The following RALGAPA2 variants were observed in gnomAD, a reference collection of about 807,000 sequenced individuals.
RALGAPA2 encodes the protein ral GTPase-activating protein subunit alpha-2.
A neutral mutation model predicts 230.4 loss-of-function variants in RALGAPA2; 139 were observed. The observed-to-expected ratio is 0.60, with a 90% CI of 0.53 to 0.69. The LOEUF (loss-of-function observed/expected upper bound fraction) is 0.69, where lower values mean the gene tolerates loss of function less well. RALGAPA2 is among the 30% of genes least tolerant of loss of function. The probability of loss-of-function intolerance (pLI) is 0.00; values close to 1 mark genes in which losing one functional copy is unlikely to be tolerated. For missense variants in RALGAPA2, 2,163 were observed against 2,276.0 expected (o/e 0.95, Z 1.01); for synonymous variants, 847 against 837.8 (o/e 1.01, Z -0.19).
At chr20:20,537,759 T>C (rs1403911506) in intron 24 of RALGAPA2, among the ~76,000 whole-genome samples, 2 of 152,212 alleles carry the variant, frequency 1.3e-5, no homozygotes, top group Non-Finnish European at 2.9e-5. Context: ...TGTCTACTAT[T>C]ATGTAATAAA....
At chr20:20,514,234 T>C (rs1449282607) in intron 31 of RALGAPA2, among the ~76,000 whole-genome samples, 3 of 151,888 alleles carry the variant, frequency 2.0e-5, no homozygotes, top group East Asian at 1.9e-4. Flanking sequence ...TGGACATAGA[T>C]TGTGGTGCAA....
In RALGAPA2 at chr20:20,611,308, G is replaced by C. The variant is rs749071389; in HGVS notation, c.1800+7C>G. On this transcript the variant is annotated splice_region_variant and intron_variant, in intron 14 of 39. Transcript: ENST00000202677. The stretch of plus-strand genomic sequence containing the variant: ...GCATTTGCAGTGCTTTCATAAAAAA[G>C]ACTTACCCTAAATAGTAACCCTGCC... The C allele has an allele frequency of 6.3e-7, 1 of 1,598,876 alleles. No homozygotes were observed. The highest frequency in any genetic ancestry group is 1.7e-5 in the Admixed American group (1 of 59,194).
rs1385291069 is a variant in RALGAPA2 at position 20,571,934 on chromosome 20, G to A, written c.2914C>T (p.Leu972=). The A allele has an allele frequency of 6.2e-7, 1 of 1,605,406 alleles. No homozygotes were observed. Among genetic ancestry groups the A allele is most frequent in the Non-Finnish European group, 8.5e-7 (1 of 1,174,478 alleles). Residue 972 remains leucine, a synonymous_variant, in exon 22 of 40, where the codon CTA becomes TTA. Coordinates refer to ENST00000202677, the MANE Select transcript of RALGAPA2 (RefSeq NM_020343.4). ...GACTGGTTATCCAGGCTTATTGCTA[G>A]ATTATCCCGTATCTAATTCACAAAG... ...WYKLAKIRDN[L]AISLDNQSSP...
At chr20:20,585,026 C>T (rs1043643638) in intron 18 of RALGAPA2, 71 bp from the exon 19 acceptor site, 8 of 906,338 alleles carry the variant, frequency 8.8e-6, no homozygotes, top group African/African-American at 1.7e-5. Flanking sequence ...AGTTTCTAGC[C>T]CAAATTTCTA....
chr20:20,481,882 TA>T (rs1365182551), intron 36 of RALGAPA2, among the ~76,000 whole-genome samples: 1 of 152,132 alleles, frequency 6.6e-6, no homozygotes, highest in Non-Finnish European at 1.5e-5. Context: ...ACAGAGTGAC[TA>T]AAAGGTTCAA....
intron 16 of RALGAPA2, chr20:20,598,641 AG>A (rs759957159): frequency 2.7e-4 from 116 of 433,114 alleles, no homozygotes; most frequent in African/African-American, 2.3e-3. Flanking sequence ...GGAGAAGCCC[AG>A]GAACAGTGAT....
chr20:20,508,449 G>C (rs1180612233), intron 33 of RALGAPA2, among the ~76,000 whole-genome samples: 1 of 152,156 alleles, frequency 6.6e-6, no homozygotes. Context: ...ACATGAAAAA[G>C]CCAAAGAAAA....
intron 4 of RALGAPA2, among the ~76,000 whole-genome samples, chr20:20,643,812 G>A (rs1285555936): frequency 1.3e-5 from 2 of 151,594 alleles, no homozygotes; most frequent in African/African-American, 2.4e-5. Flanking sequence ...TGGATTATGC[G>A]CATATATCTC....
intron 5 of RALGAPA2, among the ~76,000 whole-genome samples, chr20:20,642,426 G>C (rs2067074169): frequency 6.6e-6 from 1 of 152,080 alleles, no homozygotes; most frequent in African/African-American, 2.4e-5. Flanking sequence ...GGCCAGGCTG[G>C]TCTCGAACTC....
intron 37 of RALGAPA2, among the ~76,000 whole-genome samples, chr20:20,463,180 T>C (rs1185343957): frequency 1.3e-5 from 2 of 152,076 alleles, no homozygotes; most frequent in Non-Finnish European, 2.9e-5. Context: ...GTTTATAATG[T>C]AGGATTCAGT....
intron 37 of RALGAPA2, among the ~76,000 whole-genome samples, chr20:20,438,867 G>T (rs2060672222): frequency 6.6e-6 from 1 of 152,118 alleles, no homozygotes; most frequent in Admixed American, 6.5e-5. Context: ...TGGAGGCTGA[G>T]AAATAAATCC....
chr20:20,699,661 T>C (rs1361028808), intron 1 of RALGAPA2, among the ~76,000 whole-genome samples: 1 of 152,126 alleles, frequency 6.6e-6, no homozygotes, highest in Non-Finnish European at 1.5e-5. Flanking sequence ...TGAACAGATA[T>C]GTCACAAAAG....
chr20:20,588,801 G>A (rs1462844978), intron 18 of RALGAPA2, among the ~76,000 whole-genome samples: 1 of 151,856 alleles, frequency 6.6e-6, no homozygotes, highest in African/African-American at 2.4e-5. Context: ...AATGAGTTAT[G>A]GGCTTATGTT....
chr20:20,490,155 T>C (rs1602523845), intron 36 of RALGAPA2, among the ~76,000 whole-genome samples: 1 of 152,226 alleles, frequency 6.6e-6, no homozygotes. Flanking sequence ...CGTTCTTTAG[T>C]ATTCTTCAGC....
chr20:20,466,733 C>G (rs999384631), intron 37 of RALGAPA2, among the ~76,000 whole-genome samples: 4 of 152,146 alleles, frequency 2.6e-5, no homozygotes, highest in African/African-American at 9.7e-5. Context: ...GCATCACTCT[C>G]ATCTCTCATC....
chr20:20,499,828 A>T (rs1356893805), intron 35 of RALGAPA2, among the ~76,000 whole-genome samples: 1 of 152,210 alleles, frequency 6.6e-6, no homozygotes, highest in Non-Finnish European at 1.5e-5. Flanking sequence ...CTGATGTTTC[A>T]CATGCACTGC....
At chr20:20,476,672 A>AT (rs1171835088) in intron 36 of RALGAPA2, among the ~76,000 whole-genome samples, 1 of 132,690 alleles carries the variant, frequency 7.5e-6, no homozygotes, top group Non-Finnish European at 1.6e-5. Flanking sequence ...GGCATAAATC[A>AT]TAAAATAAAT....
rs538738441 is a variant in RALGAPA2, at chr20:20,435,307, G to A, written c.5496-23159C>T. Reference sequence around the variant, plus strand: ...TGGAACTAAAGTCCATGACGCAGAGGCAGAAGCAACACTTCAGAGATGGAG... The same window carrying A: ...TGGAACTAAAGTCCATGACGCAGAGACAGAAGCAACACTTCAGAGATGGAG... On this transcript the variant is annotated intron_variant, in intron 37 of 39. Transcript: ENST00000202677. 3.3e-5 allele frequency among the ~76,000 whole-genome samples: 5 copies of A among 152,334 alleles called. No homozygotes were observed. In the East Asian group the frequency reaches 5.8e-4, roughly 18 times the overall value.
At chr20:20,581,830 A>T (rs2064992534) in intron 20 of RALGAPA2, among the ~76,000 whole-genome samples, 1 of 147,852 alleles carries the variant, frequency 6.8e-6, no homozygotes, top group Non-Finnish European at 1.5e-5. Context: ...TGCTTGGTTT[A>T]AAAAAAAAAA....
Sources: allele counts gnomAD v4.1 joint callset (sites outside exome capture counted in the v4.1 genomes callset), GRCh38; gene constraint gnomAD v4.1.1; transcripts MANE v1.5; gene names NCBI Gene and HGNC (gene_info 2026-07-23, HGNC 2026-07-21).